The following NDUFAF2 variants were observed in gnomAD, a reference collection of about 807,000 sequenced individuals.
The protein encoded by NDUFAF2 is NADH:ubiquinone oxidoreductase complex assembly factor 2, also known as NADH dehydrogenase [ubiquinone] 1 alpha subcomplex assembly factor 2.
Under a neutral mutation model 22.8 loss-of-function variants are expected in NDUFAF2, and 13 were observed. That is an observed-to-expected ratio of 0.57 (90% CI 0.37 to 0.91). The LOEUF is 0.91. Ranked by LOEUF, NDUFAF2 falls within the 40% of genes least tolerant of loss-of-function variation. The pLI, the probability that NDUFAF2 is intolerant of heterozygous loss-of-function variation, is 0.01. For synonymous variants in NDUFAF2, 53 were observed against 64.2 expected, an observed-to-expected ratio of 0.83 and a Z score of 0.84; for missense variants, 162 against 195.2, an observed-to-expected ratio of 0.83 and a Z score of 1.01.
At chr5:61,142,259 T>C (rs1300036755) in intron 3 of NDUFAF2, among the ~76,000 whole-genome samples, 1 of 152,244 alleles carries the variant, frequency 6.6e-6, no homozygotes, top group Non-Finnish European at 1.5e-5. Context: ...GGGAGTTCAT[T>C]TATTTTAGTA....
chr5:61,027,041 CTTAT>C (rs961972335), intron 1 of NDUFAF2, among the ~76,000 whole-genome samples: 2 of 150,892 alleles, frequency 1.3e-5, no homozygotes, highest in African/African-American at 4.9e-5. Flanking sequence ...AAATATTATC[CTTAT>C]TAAGAAAAAT....
intron 3 of NDUFAF2, among the ~76,000 whole-genome samples, chr5:61,152,170 A>G (rs1427477372): frequency 6.6e-6 from 1 of 152,136 alleles, no homozygotes; most frequent in African/African-American, 2.4e-5. Context: ...CCCTGATTCC[A>G]TTCCTATCCT....
At chr5:61,132,903 T>C (rs1753130497) in intron 3 of NDUFAF2, among the ~76,000 whole-genome samples, 1 of 151,966 alleles carries the variant, frequency 6.6e-6, no homozygotes, top group Non-Finnish European at 1.5e-5. Flanking sequence ...TATCACTTTA[T>C]ATCCTAGGTT....
At chr5:60,972,886 G>A (rs1750854901) in intron 1 of NDUFAF2, among the ~76,000 whole-genome samples, 1 of 135,790 alleles carries the variant, frequency 7.4e-6, no homozygotes, top group African/African-American at 2.8e-5. Flanking sequence ...CTTTTTTAAT[G>A]CCCGTATTTC....
intron 1 of NDUFAF2, among the ~76,000 whole-genome samples, chr5:60,967,237 G>A (rs1750769077): frequency 6.6e-6 from 1 of 151,924 alleles, no homozygotes; most frequent in Non-Finnish European, 1.5e-5. Flanking sequence ...CAGTTTTTTA[G>A]TGGCATTTTT....
chr5:61,096,928 C>T (rs1282455202), intron 2 of NDUFAF2, among the ~76,000 whole-genome samples: 1 of 151,946 alleles, frequency 6.6e-6, no homozygotes, highest in Admixed American at 6.6e-5. Flanking sequence ...CACACCATTG[C>T]ACTACAGCCT....
chr5:61,104,940 A>G (rs531070352), intron 3 of NDUFAF2, among the ~76,000 whole-genome samples: 34 of 152,294 alleles, frequency 2.2e-4, no homozygotes, highest in Middle Eastern at 6.8e-3. Context: ...TACAATTTTC[A>G]ATTCTATCTC....
chr5:61,054,932 A>G (rs559840610), intron 1 of NDUFAF2, among the ~76,000 whole-genome samples: 12 of 152,330 alleles, frequency 7.9e-5, no homozygotes, highest in African/African-American at 2.9e-4. Flanking sequence ...TAAAGTTAAA[A>G]TAATGAGAGC....
chr5:61,034,350 ACC>A, intron 1 of NDUFAF2, among the ~76,000 whole-genome samples: 1 of 152,182 alleles, frequency 6.6e-6, no homozygotes. Flanking sequence ...ATTTCCACAA[ACC>A]AAATGCACCT....
At chr5:61,149,252 T>C (rs1440451226) in intron 3 of NDUFAF2, among the ~76,000 whole-genome samples, 3 of 152,216 alleles carry the variant, frequency 2.0e-5, no homozygotes, top group Non-Finnish European at 4.4e-5. Flanking sequence ...ATTACAGTCG[T>C]GAGCCACCAC....
chr5:60,957,677 C>T (rs1301506789), intron 1 of NDUFAF2, among the ~76,000 whole-genome samples: 1 of 152,080 alleles, frequency 6.6e-6, no homozygotes, highest in East Asian at 1.9e-4. Context: ...CCAGTAGCTC[C>T]TCATTGTGCT....
intron 1 of NDUFAF2, among the ~76,000 whole-genome samples, chr5:61,004,715 T>TAG (rs901738423): frequency 6.6e-6 from 1 of 151,982 alleles, no homozygotes; most frequent in Non-Finnish European, 1.5e-5. Context: ...CTACCAGTCA[T>TAG]AGAGAGAGAC....
chr5:61,007,986 T>G (rs1013078622), intron 1 of NDUFAF2, among the ~76,000 whole-genome samples: 5 of 151,970 alleles, frequency 3.3e-5, no homozygotes, highest in Admixed American at 1.3e-4. Flanking sequence ...AAAATGATGA[T>G]TTCATGTCCT....
At chr5:61,108,972 A>T (rs1195284432) in intron 3 of NDUFAF2, among the ~76,000 whole-genome samples, 2 of 151,558 alleles carry the variant, frequency 1.3e-5, no homozygotes, top group East Asian at 1.9e-4. Context: ...TAATTTTAGA[A>T]TTTTTTTTCT....
At chr5:61,081,535 CTT>C (rs969996239) in intron 2 of NDUFAF2, among the ~76,000 whole-genome samples, 2 of 152,122 alleles carry the variant, frequency 1.3e-5, no homozygotes, top group African/African-American at 4.8e-5. Flanking sequence ...GCCCCAATCT[CTT>C]TAACTGAAGA....
intron 1 of NDUFAF2, among the ~76,000 whole-genome samples, chr5:61,034,533 A>G (rs1022675225): frequency 1.3e-5 from 2 of 152,154 alleles, no homozygotes; most frequent in African/African-American, 2.4e-5. Context: ...TCATTGACCA[A>G]AATGTTGGTG....
chr5:61,115,867 C>T (rs146107855), intron 3 of NDUFAF2: 2 of 152,158 alleles, frequency 1.3e-5, no homozygotes, highest in East Asian at 3.9e-4. Context: ...TGTTATATTC[C>T]CTTTGTGATA....
intron 2 of NDUFAF2, among the ~76,000 whole-genome samples, chr5:61,077,739 G>A (rs1360227477): frequency 2.0e-5 from 3 of 152,164 alleles, no homozygotes; most frequent in Admixed American, 2.0e-4. Context: ...AGTAAACAGG[G>A]GGAAGAGTTG....
intron 3 of NDUFAF2, among the ~76,000 whole-genome samples, chr5:61,099,497 AATAC>A (rs1257066175): frequency 1.3e-5 from 2 of 151,322 alleles, no homozygotes; most frequent in African/African-American, 4.8e-5. Context: ...GAAACTTTAA[AATAC>A]AGAATTAGCA....
Sources: allele counts gnomAD v4.1 joint callset (sites outside exome capture counted in the v4.1 genomes callset), GRCh38; gene constraint gnomAD v4.1.1; transcripts MANE v1.5; gene names NCBI Gene and HGNC (gene_info 2026-07-23, HGNC 2026-07-21).